The following EPB41L5 variants were observed in gnomAD, a reference collection of about 807,000 sequenced individuals.
The protein encoded by EPB41L5 is erythrocyte membrane protein band 4.1 like 5.
EPB41L5 carries 55 observed loss-of-function variants against 106.6 expected under a neutral mutation model. The ratio of observed to expected loss-of-function variants is 0.52; its 90% confidence interval spans 0.42 to 0.65. The LOEUF (loss-of-function observed/expected upper bound fraction) is 0.65, where lower values mean the gene tolerates loss of function less well. Among genes scored for constraint, EPB41L5 ranks in the 30% least tolerant of loss-of-function variants. EPB41L5 has a pLI of 0.00. For missense variants in EPB41L5, 871 were observed against 882.1 expected (o/e 0.99, Z 0.16); for synonymous variants, 297 against 306.7 (o/e 0.97, Z 0.33).
chr2:120,049,935 C>T (rs952668572), intron 3 of EPB41L5, among the ~76,000 whole-genome samples: 1 of 152,118 alleles, frequency 6.6e-6, no homozygotes, highest in Non-Finnish European at 1.5e-5. Flanking sequence ...CTTAGTTTGG[C>T]TGGATATGAA....
chr2:120,049,285 G>A (rs891443566), intron 3 of EPB41L5, among the ~76,000 whole-genome samples: 1 of 152,146 alleles, frequency 6.6e-6, no homozygotes, highest in Non-Finnish European at 1.5e-5. Context: ...CATTATTATT[G>A]TGTGGGAGTC....
chr2:120,117,060 A>G (rs1397084166), intron 16 of EPB41L5, among the ~76,000 whole-genome samples: 5 of 152,182 alleles, frequency 3.3e-5, no homozygotes, highest in Non-Finnish European at 7.3e-5. Context: ...ATATATAGAG[A>G]AAAGTTTATA....
intron 3 of EPB41L5, among the ~76,000 whole-genome samples, chr2:120,046,119 G>A (rs1046233737): frequency 3.3e-5 from 5 of 152,106 alleles, no homozygotes; most frequent in African/African-American, 9.7e-5. Context: ...GTAAACATAC[G>A]TGTGCATGTG....
At chr2:120,044,879 C>T (rs1315831883) in intron 3 of EPB41L5, among the ~76,000 whole-genome samples, 1 of 152,138 alleles carries the variant, frequency 6.6e-6, no homozygotes, top group Non-Finnish European at 1.5e-5. Context: ...CACTAAAACA[C>T]TCTAAACTAT....
At chr2:120,021,929 A>G (rs1247527113) in intron 2 of EPB41L5, among the ~76,000 whole-genome samples, 1 of 152,198 alleles carries the variant, frequency 6.6e-6, no homozygotes, top group Non-Finnish European at 1.5e-5. Context: ...AGGGTCTAGG[A>G]TAAGGGTCAC....
chr2:120,089,332 C>T (rs1038371099), intron 11 of EPB41L5, among the ~76,000 whole-genome samples: 27 of 152,134 alleles, frequency 1.8e-4, no homozygotes, highest in African/African-American at 6.3e-4. Context: ...CCCTGACTAC[C>T]TACCCCCTTT....
intron 2 of EPB41L5, among the ~76,000 whole-genome samples, chr2:120,028,751 G>A (rs990802520): frequency 2.4e-4 from 36 of 152,246 alleles, no homozygotes; most frequent in South Asian, 4.1e-4. Context: ...TGGATATAGC[G>A]TGGGGAGGGA....
At chr2:120,167,398 A>G (rs1258720391) in intron 22 of EPB41L5, 68 bp from the exon 23 acceptor site, 2 of 1,277,850 alleles carry the variant, frequency 1.6e-6, no homozygotes, top group African/African-American at 1.5e-5. Flanking sequence ...GATGTAAGTA[A>G]GTATTATAAG....
chr2:120,065,721 TGGCCA>T (rs1681403180), intron 3 of EPB41L5, among the ~76,000 whole-genome samples: 1 of 152,136 alleles, frequency 6.6e-6, no homozygotes, highest in African/African-American at 2.4e-5. Flanking sequence ...TTCACCATGT[TGGCCA>T]GGCTGGTCTG....
At chr2:120,058,676 G>A (rs1415635437) in intron 3 of EPB41L5, among the ~76,000 whole-genome samples, 1 of 152,174 alleles carries the variant, frequency 6.6e-6, no homozygotes, top group Non-Finnish European at 1.5e-5. Context: ...TGTTAAATAG[G>A]TTTGTTGTAC....
chr2:120,162,231 C>T (rs746611231), intron 21 of EPB41L5, among the ~76,000 whole-genome samples: 1 of 152,222 alleles, frequency 6.6e-6, no homozygotes, highest in East Asian at 1.9e-4. Flanking sequence ...GCATAACCAG[C>T]TCATCCCAAC....
chr2:120,160,706 C>G lies in EPB41L5; in HGVS notation c.1794-175C>G, dbSNP rs529227500. On this transcript the variant is annotated intron_variant, in intron 20 of 24. Transcript: ENST00000263713. ...TATTAAAAAACCATTTTAACTGGAG[C>G]GAGATGATGTCTCATCATAGTTTGG... The G allele has an allele frequency of 8.8e-6, 5 of 570,880 alleles. No homozygotes were observed. In the South Asian group the frequency reaches 9.2e-5, roughly 10 times the overall value. 35.4% of individuals were successfully genotyped at this position (570,880 alleles called of 1,614,324 possible).
At chr2:120,063,933 A>G (rs1440338261) in intron 3 of EPB41L5, among the ~76,000 whole-genome samples, 1 of 151,172 alleles carries the variant, frequency 6.6e-6, no homozygotes, top group Non-Finnish European at 1.5e-5. Context: ...CGAGAGTGAA[A>G]CTCCATCTCA....
intron 10 of EPB41L5, among the ~76,000 whole-genome samples, chr2:120,085,422 C>T (rs1682990892): frequency 6.6e-6 from 1 of 152,162 alleles, no homozygotes; most frequent in African/African-American, 2.4e-5. Context: ...TGCAGAACAG[C>T]GAATATTGCT....
At chr2:120,026,253 G>A (rs1678305262) in intron 2 of EPB41L5, among the ~76,000 whole-genome samples, 1 of 152,214 alleles carries the variant, frequency 6.6e-6, no homozygotes, top group African/African-American at 2.4e-5. Context: ...TTTGATGCAT[G>A]TATATAATGT....
intron 2 of EPB41L5, among the ~76,000 whole-genome samples, chr2:120,027,559 A>G (rs993701708): frequency 6.6e-6 from 1 of 152,152 alleles, no homozygotes; most frequent in Admixed American, 6.5e-5. Context: ...AGGGGTTGAC[A>G]ACTATAATAT....
chr2:120,093,996 G>A (rs1183650438), intron 14 of EPB41L5, among the ~76,000 whole-genome samples: 2 of 151,952 alleles, frequency 1.3e-5, no homozygotes, highest in Non-Finnish European at 2.9e-5. Flanking sequence ...GTGGGGGTAG[G>A]GGACGTGCAG....
chr2:120,094,134 TTGCCATCATG>T (rs1362661275), intron 14 of EPB41L5, among the ~76,000 whole-genome samples: 1 of 151,900 alleles, frequency 6.6e-6, no homozygotes, highest in African/African-American at 2.4e-5. Context: ...CTACAGGCAC[TTGCCATCATG>T]CATGGCTAAT....
At chr2:120,041,571 TTC>T in intron 2 of EPB41L5, among the ~76,000 whole-genome samples, 2 of 152,296 alleles carry the variant, frequency 1.3e-5, no homozygotes, top group African/African-American at 4.8e-5. Context: ...TTATTCTAGT[TTC>T]TGTCTCTTCT....
Sources: gnomAD v4.1 joint callset for allele counts (sites outside exome capture counted in the v4.1 genomes callset) on GRCh38, gnomAD v4.1.1 for gene constraint, MANE v1.5 for transcripts, NCBI Gene and HGNC (gene_info 2026-07-23, HGNC 2026-07-21) for gene names.